The following SLIT3 variants were observed in gnomAD, a reference collection of about 807,000 sequenced individuals.
SLIT3 encodes slit homolog 3 protein.
SLIT3 carries 68 observed loss-of-function variants against 184.0 expected under a neutral mutation model. That is an observed-to-expected ratio of 0.37 (90% confidence interval 0.30 to 0.45). The LOEUF (loss-of-function observed/expected upper bound fraction) is 0.45, where lower values mean the gene tolerates loss of function less well. Among genes scored for constraint, SLIT3 ranks in the 20% least tolerant of loss-of-function variants. The pLI is 1.00. For synonymous variants in SLIT3, 831 were observed against 828.6 expected, an observed-to-expected ratio of 1.00 and a Z score of -0.05; for missense variants, 1,707 against 2,026.0, an observed-to-expected ratio of 0.84 and a Z score of 3.02.
At chr5:168,938,076 T>G (rs1186779047) in intron 4 of SLIT3, among the ~76,000 whole-genome samples, 9 of 152,242 alleles carry the variant, frequency 5.9e-5, no homozygotes, top group Non-Finnish European at 8.8e-5. Context: ...GCAATAAATC[T>G]TGTTCTAACG....
chr5:168,927,690 C>T (rs146449081), intron 4 of SLIT3, among the ~76,000 whole-genome samples: 1 of 152,330 alleles, frequency 6.6e-6, no homozygotes, highest in African/African-American at 2.4e-5. Flanking sequence ...TCTCTGTCTC[C>T]CTGAGCTGCT....
chr5:168,981,481 G>A lies in SLIT3; in HGVS notation c.414-98145C>T, dbSNP rs1025243473. 7.9e-5 allele frequency among the ~76,000 whole-genome samples: 12 copies of A among 152,220 alleles called. No individual in the cohort carries two copies. In the East Asian group the frequency reaches 1.5e-3, roughly 20 times the overall value. On this transcript the variant is annotated intron_variant, in intron 4 of 35. Transcript: ENST00000519560. ...AATGCATGTGGTGGAGGTTCCATGC[G>A]CAGAGCCTCCCTTATGCCCATCAAA... is the stretch of plus-strand genomic sequence containing the variant.
chr5:168,716,472 TC>T (rs1664638312), intron 23 of SLIT3, among the ~76,000 whole-genome samples: 11 of 152,216 alleles, frequency 7.2e-5, no homozygotes, highest in Non-Finnish European at 1.5e-4. Context: ...AAGCACTCAG[TC>T]ACATTAGCTA....
chr5:168,924,654 T>C (rs1227297379), intron 4 of SLIT3, among the ~76,000 whole-genome samples: 1 of 152,082 alleles, frequency 6.6e-6, no homozygotes, highest in Admixed American at 6.6e-5. Context: ...GGATTAGAGA[T>C]ACATGCCACC....
At chr5:168,846,685 C>T (rs1581140847) in intron 5 of SLIT3, among the ~76,000 whole-genome samples, 2 of 152,300 alleles carry the variant, frequency 1.3e-5, no homozygotes, top group Admixed American at 6.5e-5. Context: ...ATTGGGAAGT[C>T]TGGGGTGTGT....
At chr5:168,869,954 C>T (rs564105510) in intron 5 of SLIT3, among the ~76,000 whole-genome samples, 3 of 152,194 alleles carry the variant, frequency 2.0e-5, no homozygotes, top group East Asian at 1.9e-4. Context: ...ATGGACACAT[C>T]GTAACACATC....
chr5:169,238,270 ATTTCTGAGTTT>A (rs1167209160), intron 3 of SLIT3, among the ~76,000 whole-genome samples: 1 of 152,044 alleles, frequency 6.6e-6, no homozygotes, highest in Non-Finnish European at 1.5e-5. Context: ...CTCTTATTAA[ATTTCTGAGTTT>A]TTGAAATTCA....
chr5:169,025,553 G>A (rs1756784508), intron 4 of SLIT3, among the ~76,000 whole-genome samples: 1 of 152,116 alleles, frequency 6.6e-6, no homozygotes, highest in African/African-American at 2.4e-5. Flanking sequence ...GAACCCCCAG[G>A]AGCCTCAATC....
intron 4 of SLIT3, among the ~76,000 whole-genome samples, chr5:169,053,190 A>G (rs1403680838): frequency 6.6e-6 from 1 of 152,234 alleles, no homozygotes; most frequent in African/African-American, 2.4e-5. Flanking sequence ...ACAAGACACT[A>G]TTGATTCCAA....
chr5:168,894,542 T>C (rs776451748), intron 4 of SLIT3, among the ~76,000 whole-genome samples: 3 of 152,176 alleles, frequency 2.0e-5, no homozygotes, highest in Admixed American at 6.5e-5. Flanking sequence ...TGGCATACCA[T>C]GCTTGAGAAC....
intron 4 of SLIT3, among the ~76,000 whole-genome samples, chr5:168,919,549 G>C (rs1285414954): frequency 6.6e-6 from 1 of 152,054 alleles, no homozygotes; most frequent in Non-Finnish European, 1.5e-5. Context: ...TCTGGAAAGA[G>C]ACTTAAGCTT....
chr5:168,909,527 C>T (rs1761186975), intron 4 of SLIT3, among the ~76,000 whole-genome samples: 1 of 152,150 alleles, frequency 6.6e-6, no homozygotes. Flanking sequence ...GTGTCCACTG[C>T]CATTTATCAT....
intron 6 of SLIT3, 61 bp from the exon 7 acceptor site, chr5:168,823,392 T>C: frequency 8.3e-7 from 1 of 1,211,128 alleles, no homozygotes; most frequent in Non-Finnish European, 1.2e-6. Flanking sequence ...ACCAAGATGC[T>C]TGTAGTAGGT....
At chr5:169,178,176 A>G (rs979023376) in intron 4 of SLIT3, among the ~76,000 whole-genome samples, 4 of 152,234 alleles carry the variant, frequency 2.6e-5, no homozygotes, top group African/African-American at 7.2e-5. Context: ...GGCCCAAACC[A>G]GGGAAGCATC....
chr5:169,081,294 G>A (rs1368265717), intron 4 of SLIT3, among the ~76,000 whole-genome samples: 2 of 152,206 alleles, frequency 1.3e-5, no homozygotes, highest in Non-Finnish European at 2.9e-5. Flanking sequence ...CCTGGGAAGA[G>A]GAGAGGAAGG....
chr5:169,292,781 T>G (rs1767397552), intron 1 of SLIT3, among the ~76,000 whole-genome samples: 1 of 152,158 alleles, frequency 6.6e-6, no homozygotes, highest in Admixed American at 6.5e-5. Flanking sequence ...CAAAAGTTAA[T>G]TAGGATAAAT....
chr5:168,736,445 T>C (rs1025225442), intron 20 of SLIT3, among the ~76,000 whole-genome samples: 1 of 152,198 alleles, frequency 6.6e-6, no homozygotes, highest in African/African-American at 2.4e-5. Flanking sequence ...TCTCTCTCCC[T>C]GGGCCAGAGA....
In SLIT3 at chr5:168,715,156, C is replaced by T. The variant is rs150124725; in HGVS notation, c.2484-2802G>A. 4.2e-3 allele frequency among the ~76,000 whole-genome samples: 646 copies of T among 152,276 alleles called. 15 individuals carry two copies. Among genetic ancestry groups the T allele is most frequent in the East Asian group, 0.023 (118 of 5,186 alleles). On this transcript the variant is annotated intron_variant, in intron 23 of 35. Coordinates refer to ENST00000519560, the MANE Select transcript of SLIT3 (RefSeq NM_003062.4). ...TCAGACTGCCTGGGTGTGAATCCCTCGTCTGATACTGGCTGTGTGAGCTGA... is the reference window on the plus strand; with the variant it reads ...TCAGACTGCCTGGGTGTGAATCCCTTGTCTGATACTGGCTGTGTGAGCTGA...
chr5:168,934,065 C>A (rs897427784), intron 4 of SLIT3, among the ~76,000 whole-genome samples: 3 of 152,190 alleles, frequency 2.0e-5, no homozygotes, highest in Non-Finnish European at 2.9e-5. Context: ...GGCAAATACA[C>A]AAACTGCCAT....
Sources: allele counts gnomAD v4.1 joint callset (sites outside exome capture counted in the v4.1 genomes callset), GRCh38; gene constraint gnomAD v4.1.1; transcripts MANE v1.5; gene names NCBI Gene and HGNC (gene_info 2026-07-23, HGNC 2026-07-21).